The following RGS6 variants were observed in gnomAD, a reference collection of about 807,000 sequenced individuals.
RGS6 encodes the protein regulator of G protein signaling 6.
A neutral mutation model predicts 78.5 loss-of-function variants in RGS6; 30 were observed. The observed-to-expected ratio is 0.38, with a 90% CI of 0.29 to 0.52. The LOEUF is 0.52. Among genes scored for constraint, RGS6 ranks in the 20% least tolerant of loss-of-function variants. RGS6 has a pLI of 0.85. For synonymous variants in RGS6, 206 were observed against 206.0 expected (o/e 1.00, Z 0.00); for missense variants, 495 against 609.7 (o/e 0.81, Z 1.98).
chr14:71,887,161 T>G, the RGS6 span, among the ~76,000 whole-genome samples: 1 of 152,216 alleles, frequency 6.6e-6, no homozygotes, highest in Non-Finnish European at 1.5e-5. Context: ...CAAGTAATAC[T>G]TTTATAATTT....
chr14:72,468,375 C>A (rs1481003004), intron 7 of RGS6, among the ~76,000 whole-genome samples: 262 of 132,382 alleles, frequency 2.0e-3, no homozygotes, highest in Middle Eastern at 4.0e-3. Flanking sequence ...GACTCCGTCT[C>A]AAAAAAAAAA....
chr14:72,568,201 G>A (rs776009003), downstream of RGS6, among the ~76,000 whole-genome samples: 3 of 152,190 alleles, frequency 2.0e-5, no homozygotes, highest in Non-Finnish European at 2.9e-5. Flanking sequence ...CAGAGCCCCA[G>A]AGCCACCCTC....
intron 2 of RGS6, among the ~76,000 whole-genome samples, chr14:72,193,908 G>A (rs979482356): frequency 1.3e-5 from 2 of 152,172 alleles, no homozygotes; most frequent in East Asian, 3.9e-4. Context: ...AAACAGGAGG[G>A]AGTTCATGCT....
chr14:72,228,658 A>G (rs758972985), intron 2 of RGS6, among the ~76,000 whole-genome samples: 12 of 152,208 alleles, frequency 7.9e-5, no homozygotes, highest in Non-Finnish European at 1.6e-4. Context: ...GTGTGGGACT[A>G]AGTTCAGAGA....
At chr14:72,089,190 A>G (rs2095174068) in intron 2 of RGS6, among the ~76,000 whole-genome samples, 1 of 152,262 alleles carries the variant, frequency 6.6e-6, no homozygotes, top group African/African-American at 2.4e-5. Context: ...GCACATGGAA[A>G]GCATTCAGGG....
At position 72,175,023 on chromosome 14, in the gene RGS6, A is replaced by C. The variant is rs926728078; in HGVS notation, c.85-177072A>C. On this transcript the variant is annotated intron_variant, in intron 2 of 17. Coordinates refer to ENST00000553525, the MANE Select transcript of RGS6 (RefSeq NM_001204424.2). ...CTCCATGGAATACATTAAGGGATTGATTTACCTGTCTTGGAGCTGCTTCAC... is the reference window on the plus strand; with the variant it reads ...CTCCATGGAATACATTAAGGGATTGCTTTACCTGTCTTGGAGCTGCTTCAC... Among the ~76,000 whole-genome samples, 8 of 152,282 alleles carry C rather than the reference A, an allele frequency of 5.3e-5. No homozygotes were observed. The East Asian group carries it at 1.5e-3, about 29-fold the overall frequency.
intron 2 of RGS6, among the ~76,000 whole-genome samples, chr14:72,316,068 C>G (rs780784855): frequency 9.9e-5 from 15 of 152,160 alleles, no homozygotes; most frequent in Non-Finnish European, 1.8e-4. Context: ...CTTCTTTGCC[C>G]TTTACCGTTT....
intron 2 of RGS6, among the ~76,000 whole-genome samples, chr14:71,976,503 T>C (rs942152876): frequency 6.7e-6 from 1 of 149,582 alleles, no homozygotes; most frequent in African/African-American, 2.5e-5. Context: ...TGAGTGAGAA[T>C]ATGCGGTGTT....
intron 2 of RGS6, among the ~76,000 whole-genome samples, chr14:72,215,297 C>A (rs895967421): frequency 6.6e-6 from 1 of 152,158 alleles, no homozygotes; most frequent in African/African-American, 2.4e-5. Context: ...GAGGCTGTGT[C>A]TATTTCTGAG....
intron 3 of RGS6, among the ~76,000 whole-genome samples, chr14:72,399,238 A>G (rs1013976847): frequency 1.3e-5 from 2 of 151,850 alleles, no homozygotes; most frequent in Admixed American, 1.3e-4. Flanking sequence ...ATATATATTT[A>G]GGATAGTTAG....
chr14:72,292,349 G>T (rs1555619360), intron 2 of RGS6, among the ~76,000 whole-genome samples: 1 of 152,182 alleles, frequency 6.6e-6, no homozygotes, highest in Non-Finnish European at 1.5e-5. Context: ...ACAGCCAGAA[G>T]TGACAGTCGC....
chr14:72,609,800 G>A, the RGS6 span, among the ~76,000 whole-genome samples: 1 of 152,146 alleles, frequency 6.6e-6, no homozygotes, highest in Admixed American at 6.5e-5. Flanking sequence ...ATTGTCTCAA[G>A]ACCATTACAC....
intron 2 of RGS6, among the ~76,000 whole-genome samples, chr14:72,311,405 T>G (rs1006055174): frequency 1.3e-5 from 2 of 151,920 alleles, no homozygotes; most frequent in Non-Finnish European, 2.9e-5. Flanking sequence ...CCTGGGAGAG[T>G]AACATAGTAA....
rs34953560 is a variant in RGS6, at chr14:72,504,921, A to ATTTTTTTTTT, written c.966-5214_966-5205dup. On this transcript the variant is annotated intron_variant, in intron 13 of 17. Transcript: ENST00000553525. Reference sequence around the variant, plus strand: ...AGGTGCCCACCACCACGCCCAGCTAATTTTTTTTTTTTTTTTTTTTTTTTT... The same window carrying ATTTTTTTTTT: ...AGGTGCCCACCACCACGCCCAGCTAATTTTTTTTTTTTTTTTTTTTTTTTTTTTTTTTTTT... Among the ~76,000 whole-genome samples, 35 of 76,076 alleles carry ATTTTTTTTTT rather than the reference A, an allele frequency of 4.6e-4. 1 individual carries two copies. Among genetic ancestry groups the ATTTTTTTTTT allele is most frequent in the East Asian group, 5.5e-4 (1 of 1,820 alleles). 49.9% of individuals were successfully genotyped at this position (76,076 alleles called of 152,430 possible).
At chr14:72,094,933 T>C (rs1226699538) in intron 2 of RGS6, among the ~76,000 whole-genome samples, 1 of 152,120 alleles carries the variant, frequency 6.6e-6, no homozygotes, top group African/African-American at 2.4e-5. Flanking sequence ...CTCCCACAAA[T>C]CACTCTGATA....
chr14:72,119,535 C>G (rs1025385088), intron 2 of RGS6, among the ~76,000 whole-genome samples: 1 of 152,154 alleles, frequency 6.6e-6, no homozygotes, highest in Non-Finnish European at 1.5e-5. Flanking sequence ...TTTCTGTGAA[C>G]AGCTTGAATT....
intron 2 of RGS6, among the ~76,000 whole-genome samples, chr14:72,318,167 A>G (rs2070857132): frequency 6.6e-6 from 1 of 152,158 alleles, no homozygotes; most frequent in Non-Finnish European, 1.5e-5. Flanking sequence ...TGGGGAGGGA[A>G]AGATCCCACC....
intron 2 of RGS6, among the ~76,000 whole-genome samples, chr14:72,286,512 G>T (rs889440309): frequency 5.9e-5 from 8 of 135,242 alleles, no homozygotes; most frequent in African/African-American, 2.6e-4. Context: ...GGTTCCATGA[G>T]AATTTTAGTA....
rs2097707103 is a variant in RGS6 at position 72,565,729 on chromosome 14, A to C, written c.*3262A>C. 8 of 152,262 alleles carry C rather than the reference A, an allele frequency of 5.3e-5. No homozygotes were observed. The highest frequency in any genetic ancestry group is 5.2e-4 in the Admixed American group (8 of 15,280). The allele number at this position is 152,262 out of a possible 1,614,324, so 9.4% of individuals were successfully genotyped here. On this transcript the variant is annotated 3_prime_UTR_variant, in exon 18 of 18. Transcript: ENST00000553525. Reference sequence around the variant, plus strand: ...TGGGATTTCAAACTACCTCACCAACAGGACGCTGAACCAGGAGCCTGCCAC... The same window carrying C: ...TGGGATTTCAAACTACCTCACCAACCGGACGCTGAACCAGGAGCCTGCCAC...
Sources: gnomAD v4.1 joint callset for allele counts (sites outside exome capture counted in the v4.1 genomes callset) on GRCh38, gnomAD v4.1.1 for gene constraint, MANE v1.5 for transcripts, NCBI Gene and HGNC (gene_info 2026-07-23, HGNC 2026-07-21) for gene names.